ATF6: variants seen among roughly 807,000 people sequenced by gnomAD.
The protein encoded by ATF6 is cyclic AMP-dependent transcription factor ATF-6 alpha.
In ATF6, 53 loss-of-function variants were observed where a neutral mutation model predicts 83.6. That is an observed-to-expected ratio of 0.63 (90% CI 0.51 to 0.80). ATF6 has a LOEUF of 0.80. Among genes scored for constraint, ATF6 ranks in the 30% least tolerant of loss-of-function variants. The pLI, the probability that ATF6 is intolerant of heterozygous loss-of-function variation, is 0.00. For missense variants in ATF6, 744 were observed against 797.9 expected (o/e 0.93, Z 0.81); for synonymous variants, 288 against 285.8 (o/e 1.01, Z -0.08).
chr1:161,921,544 T>A (rs936584891), intron 15 of ATF6, among the ~76,000 whole-genome samples: 7 of 152,214 alleles, frequency 4.6e-5, no homozygotes, highest in Admixed American at 4.6e-4. Flanking sequence ...TGGCAGCTGA[T>A]GATTTATAAA....
intron 8 of ATF6, among the ~76,000 whole-genome samples, chr1:161,820,491 G>A (rs1191109344): frequency 2.0e-5 from 3 of 152,200 alleles, no homozygotes; most frequent in South Asian, 2.1e-4. Context: ...GGTGGCTCAC[G>A]CCTGTAATTC....
intron 14 of ATF6, among the ~76,000 whole-genome samples, chr1:161,879,198 G>C (rs1162962940): frequency 6.6e-6 from 1 of 152,118 alleles, no homozygotes; most frequent in Admixed American, 6.5e-5. Context: ...TCCCAGTGAA[G>C]GACATCTCAA....
At chr1:161,786,348 A>G (rs1204604662) in intron 4 of ATF6, among the ~76,000 whole-genome samples, 2 of 152,058 alleles carry the variant, frequency 1.3e-5, no homozygotes, top group Non-Finnish European at 1.5e-5. Context: ...GCTTTATTAT[A>G]TATTAGGATT....
At chr1:161,787,315 G>A (rs1384483156) in intron 4 of ATF6, among the ~76,000 whole-genome samples, 3 of 152,002 alleles carry the variant, frequency 2.0e-5, no homozygotes, top group Non-Finnish European at 4.4e-5. Flanking sequence ...TGGATTCATC[G>A]TTTCTTATTT....
intron 4 of ATF6, among the ~76,000 whole-genome samples, chr1:161,790,458 T>G (rs1684849480): frequency 6.6e-6 from 1 of 152,118 alleles, no homozygotes; most frequent in South Asian, 2.1e-4. Context: ...TTTGGGAAAA[T>G]GCGAATGTTA....
At chr1:161,780,335 A>G (rs1684605055) in intron 2 of ATF6, among the ~76,000 whole-genome samples, 4 of 151,780 alleles carry the variant, frequency 2.6e-5, no homozygotes, top group Admixed American at 1.3e-4. Context: ...TACTAGATAC[A>G]TTTTTACTTT....
In ATF6 at chr1:161,774,802, A is replaced by G. The variant is rs74125011; in HGVS notation, c.83-3442A>G. Among the ~76,000 whole-genome samples the G allele has an allele frequency of 2.2e-3, 336 of 152,320 alleles. 2 individuals carry two copies. The highest frequency in any genetic ancestry group is 7.8e-3 in the African/African-American group (324 of 41,570). ...TGTTTCAATAATGATTTGCTTTTCTAGTCTAGGATTTTACTTGCAAACACT... is the reference window on the plus strand; with the variant it reads ...TGTTTCAATAATGATTTGCTTTTCTGGTCTAGGATTTTACTTGCAAACACT... On this transcript the variant is annotated intron_variant, in intron 1 of 15. Coordinates refer to ENST00000367942, the MANE Select transcript of ATF6 (RefSeq NM_007348.4).
intron 15 of ATF6, among the ~76,000 whole-genome samples, chr1:161,954,689 T>C (rs1558039615): frequency 6.6e-6 from 1 of 152,216 alleles, no homozygotes. Flanking sequence ...CCACCTCCAA[T>C]GTCCAGACAC....
At chr1:161,891,413 G>T (rs1231202624) in intron 14 of ATF6, 1 of 152,250 alleles carries the variant, frequency 6.6e-6, no homozygotes, top group African/African-American at 2.4e-5. Context: ...ACCAGCTGTG[G>T]ACCGTGGATA....
chr1:161,770,526 TGAGA>T (rs993906455), intron 1 of ATF6, among the ~76,000 whole-genome samples: 1 of 152,196 alleles, frequency 6.6e-6, no homozygotes, highest in Non-Finnish European at 1.5e-5. Context: ...CACATGGCAC[TGAGA>T]GAGAGAATCT....
At chr1:161,799,044 C>T (rs570488438) in intron 6 of ATF6, among the ~76,000 whole-genome samples, 1 of 152,268 alleles carries the variant, frequency 6.6e-6, no homozygotes. Flanking sequence ...GTAGATTTCT[C>T]AAATAACTTA....
chr1:161,791,592 C>T, intron 5 of ATF6, 55 bp downstream of exon 5: 6 of 1,520,832 alleles, frequency 3.9e-6, no homozygotes, highest in Non-Finnish European at 5.3e-6. Flanking sequence ...AGCTTAGGTT[C>T]CATTTCTTAA....
In ATF6 at chr1:161,871,850, T is replaced by TTGTG. The variant is rs56386601; in HGVS notation, c.1719+8549_1719+8552dup. Among the ~76,000 whole-genome samples, 13 of 151,118 alleles carry TTGTG rather than the reference T, an allele frequency of 8.6e-5. No homozygotes were observed. The East Asian group carries it at 2.5e-3, about 29-fold the overall frequency. ...AAATCTATAGTTTTTATCTGTGTGT[T>TTGTG]TGTGTGTGTGTGTGCTTTCCTCTTA... On this transcript the variant is annotated intron_variant, in intron 14 of 15. Coordinates refer to ENST00000367942, the MANE Select transcript of ATF6 (RefSeq NM_007348.4).
In ATF6 at chr1:161,766,371, C is replaced by A; in HGVS notation, c.11C>A (p.Pro4Gln). 2.5e-6 allele frequency: 4 copies of A among 1,612,742 alleles called. No homozygotes were observed. Among genetic ancestry groups the A allele is most frequent in the Non-Finnish European group, 3.4e-6 (4 of 1,179,352 alleles). The change falls in exon 1 of 16, where the codon CCG becomes CAG. Residue 4 changes from proline to glutamine, a missense_variant. By Grantham distance (76) the Pro-to-Gln change is moderately conservative. Coordinates refer to ENST00000367942, the MANE Select transcript of ATF6 (RefSeq NM_007348.4). ...GAAGGAACTTGTGAAATGGGGGAGC[C>A]GGCTGGGGTTGCCGGCACCATGGAG... is the stretch of plus-strand genomic sequence containing the variant. MGE[P>Q]AGVAGTMESP...
intron 14 of ATF6, among the ~76,000 whole-genome samples, chr1:161,880,210 A>G (rs1174446992): frequency 6.6e-6 from 1 of 152,160 alleles, no homozygotes; most frequent in Non-Finnish European, 1.5e-5. Context: ...TTTATGTGCC[A>G]TGCAATGTCA....
intron 1 of ATF6, among the ~76,000 whole-genome samples, chr1:161,775,689 C>G (rs1684499611): frequency 6.6e-6 from 1 of 152,042 alleles, no homozygotes; most frequent in African/African-American, 2.4e-5. Context: ...TCTGGCACAG[C>G]AAGATTTCCA....
intron 9 of ATF6, among the ~76,000 whole-genome samples, chr1:161,844,636 G>A (rs573749656): frequency 2.0e-4 from 31 of 152,088 alleles, no homozygotes; most frequent in African/African-American, 7.2e-4. Context: ...TAAACTTAGG[G>A]GAAAGTTCTT....
chr1:161,806,076 C>T (rs867541571), intron 7 of ATF6, among the ~76,000 whole-genome samples: 12 of 152,176 alleles, frequency 7.9e-5, no homozygotes, highest in Non-Finnish European at 1.2e-4. Flanking sequence ...TTGGAGACCT[C>T]ACCTAAGTTT....
rs569434506 is a variant in ATF6, at chr1:161,783,977, C to T, written c.248-13C>T. On this transcript the variant is annotated splice_polypyrimidine_tract_variant and intron_variant, in intron 3 of 15. Transcript: ENST00000367942. ...TTGTCCAGTGGGTAAAACCTTTCCT[C>T]CATGTTTTCCAGTTAAAGATATTAA... 3 of 1,556,632 alleles carry T rather than the reference C, an allele frequency of 1.9e-6. No homozygotes were observed. The highest frequency in any genetic ancestry group is 1.4e-5 in the African/African-American group (1 of 73,606).
Sources: allele counts gnomAD v4.1 joint callset (sites outside exome capture counted in the v4.1 genomes callset), GRCh38; gene constraint gnomAD v4.1.1; transcripts MANE v1.5; gene names NCBI Gene and HGNC (gene_info 2026-07-23, HGNC 2026-07-21).